The following TEX9 variants were observed in gnomAD, a reference collection of about 807,000 sequenced individuals.
TEX9 encodes testis expressed 9, also known as testis-expressed protein 9.
Under a neutral mutation model 59.6 loss-of-function variants are expected in TEX9, and 74 were observed. The observed-to-expected ratio is 1.24, with a 90% CI of 1.03 to 1.51. The LOEUF (loss-of-function observed/expected upper bound fraction) is 1.51, where lower values mean the gene tolerates loss of function less well. TEX9 is among the 40% of genes most tolerant of loss of function. The pLI is 0.00. For synonymous variants in TEX9, 186 were observed against 152.2 expected (o/e 1.22, Z -1.64); for missense variants, 522 against 447.8 (o/e 1.17, Z -1.49).
At chr15:56,458,992 G>A in the TEX9 span, among the ~76,000 whole-genome samples, 12 of 152,262 alleles carry the variant, frequency 7.9e-5, no homozygotes, top group South Asian at 2.5e-3. Context: ...GTGATTGTAT[G>A]TACACACTAT....
chr15:56,364,030 A>G (rs1162510805), upstream of TEX9, among the ~76,000 whole-genome samples: 1 of 151,962 alleles, frequency 6.6e-6, no homozygotes, highest in Non-Finnish European at 1.5e-5. Context: ...CAAGTTATTT[A>G]TCAGATATAT....
chr15:56,274,399 T>C (rs2044621340), intron 1 of TEX9: 1 of 152,228 alleles, frequency 6.6e-6, no homozygotes, highest in African/African-American at 2.4e-5. Context: ...ACCATATTAA[T>C]TGTAGTTATT....
chr15:56,341,018 A>G (rs930151812), intron 1 of TEX9, among the ~76,000 whole-genome samples: 6 of 151,994 alleles, frequency 3.9e-5, no homozygotes, highest in Non-Finnish European at 8.8e-5. Flanking sequence ...GAGTTGTATT[A>G]CTCCCATCTT....
the TEX9 span, among the ~76,000 whole-genome samples, chr15:56,459,132 C>T: frequency 1.3e-5 from 2 of 152,204 alleles, no homozygotes; most frequent in African/African-American, 2.4e-5. Context: ...TTTCCCCCAA[C>T]CCCTGGCACC....
chr15:56,298,607 A>G (rs919724638), intron 1 of TEX9, among the ~76,000 whole-genome samples: 2 of 152,198 alleles, frequency 1.3e-5, no homozygotes, highest in Admixed American at 6.5e-5. Context: ...CATTTCCTCA[A>G]GCTGTCTCAT....
chr15:56,426,626 T>TATATATACACAC lies in TEX9; in HGVS notation c.964-978_964-977insTATATACACACA, dbSNP rs1214988827. Reference sequence around the variant, plus strand: ...ATATATATATATATATATATATATATACACACACACAAACACACACACACA... The same window carrying TATATATACACAC: ...ATATATATATATATATATATATATATATATATACACACACACACACACAAACACACACACACA... On this transcript the variant is annotated intron_variant, in intron 10 of 12. Transcript: ENST00000352903. Among the ~76,000 whole-genome samples, 35 of 47,174 alleles carry TATATATACACAC rather than the reference T, an allele frequency of 7.4e-4. 2 individuals carry two copies. The highest frequency in any genetic ancestry group is 1.6e-3 in the Non-Finnish European group (31 of 19,816). The allele number at this position is 47,174 out of a possible 152,430, so 30.9% of individuals were successfully genotyped here. A position where few individuals can be genotyped will look rare whatever the true frequency, so the allele number is the denominator to read the frequency against.
At chr15:56,346,986 C>T (rs556564436) in intron 1 of TEX9, among the ~76,000 whole-genome samples, 1 of 152,292 alleles carries the variant, frequency 6.6e-6, no homozygotes, top group East Asian at 1.9e-4. Flanking sequence ...CAATCTCTCT[C>T]TTTCAGAAAA....
At chr15:56,243,978 C>G (rs1185546465), upstream of TEX9, 1 of 150,094 alleles carries the variant, frequency 6.7e-6, no homozygotes, top group Non-Finnish European at 1.5e-5. Context: ...GGGATGGGGG[C>G]GCACGGCGCG....
intron 3 of TEX9, among the ~76,000 whole-genome samples, chr15:56,376,050 A>G (rs2047434696): frequency 7.2e-6 from 1 of 138,204 alleles, no homozygotes; most frequent in African/African-American, 2.7e-5. Flanking sequence ...GAAGGGGAAC[A>G]TCACACACTG....
chr15:56,300,742 A>AGAGAGG lies in TEX9; in HGVS notation c.-107+56468_-107+56469insGGGAGA, dbSNP rs1378888730. 2.5e-3 allele frequency among the ~76,000 whole-genome samples: 368 copies of AGAGAGG among 145,128 alleles called. 6 individuals carry two copies. The highest frequency in any genetic ancestry group is 3.9e-3 in the Non-Finnish European group (256 of 65,988). ...GAGAGAGAGAGAGAGAGAGAGAGAG[A>AGAGAGG]GAGACTTCATTTCATTTGTTTGGGG... On this transcript the variant is annotated intron_variant, in intron 1 of 5. Coordinates refer to the TEX9 transcript ENST00000560827.
At chr15:56,432,036 T>C (rs562929161) in intron 12 of TEX9, among the ~76,000 whole-genome samples, 49 of 152,308 alleles carry the variant, frequency 3.2e-4, no homozygotes, top group African/African-American at 1.1e-3. Flanking sequence ...GAAAGAACAG[T>C]AATCTACTAA....
chr15:56,401,677 A>G (rs1307521915), intron 9 of TEX9, among the ~76,000 whole-genome samples: 2 of 152,210 alleles, frequency 1.3e-5, no homozygotes, highest in African/African-American at 4.8e-5. Context: ...CCAACAGAAT[A>G]TACATTCTTC....
At chr15:56,412,173 C>CGTGTGTGT (rs3217284) in intron 9 of TEX9, 129 bp from the exon 10 acceptor site, 4 of 696,588 alleles carry the variant, frequency 5.7e-6, no homozygotes, top group Non-Finnish European at 8.9e-6. Flanking sequence ...TACCCCCAAG[C>CGTGTGTGT]GTGTGTGTGT....
intron 1 of TEX9, among the ~76,000 whole-genome samples, chr15:56,339,414 A>AAC (rs2046330944): frequency 6.8e-6 from 1 of 147,134 alleles, no homozygotes; most frequent in Non-Finnish European, 1.5e-5. Flanking sequence ...AAAAAAAAAA[A>AAC]CAGGAGAATA....
intron 10 of TEX9, among the ~76,000 whole-genome samples, chr15:56,427,079 G>A (rs1297456556): frequency 2.6e-5 from 4 of 152,134 alleles, no homozygotes; most frequent in African/African-American, 9.6e-5. Context: ...TGGCAGCCCT[G>A]CTCTCTGACT....
At position 56,258,138 on chromosome 15, in the gene TEX9, A is replaced by G. The variant is rs147233825; in HGVS notation, c.-107+13860A>G. ...ATTTCTGGGTGTTCTACTCTGTTCC[A>G]CTGGTCTATGTGTCTGTTCTTGTAC... On this transcript the variant is annotated intron_variant, in intron 1 of 5. Coordinates refer to the TEX9 transcript ENST00000560827. Among the ~76,000 whole-genome samples, 709 of 152,142 alleles carry G rather than the reference A, an allele frequency of 4.7e-3. 9 individuals carry two copies. The highest frequency in any genetic ancestry group is 0.017 in the Middle Eastern group (5 of 294).
chr15:56,362,149 C>T (rs775336040), upstream of TEX9, among the ~76,000 whole-genome samples: 35 of 152,172 alleles, frequency 2.3e-4, no homozygotes, highest in Admixed American at 4.6e-4. Context: ...AATGAGTATT[C>T]TATAAATGTC....
chr15:56,345,308 T>C (rs183433824), intron 1 of TEX9, among the ~76,000 whole-genome samples: 2 of 151,984 alleles, frequency 1.3e-5, no homozygotes. Flanking sequence ...TTCTGACATA[T>C]TTGTGTGTTG....
chr15:56,275,454 C>A (rs2044645670), intron 1 of TEX9, among the ~76,000 whole-genome samples: 3 of 152,124 alleles, frequency 2.0e-5, no homozygotes, highest in Admixed American at 6.6e-5. Context: ...GGGAGAAGAG[C>A]CTATGAATGG....
Sources: allele counts gnomAD v4.1 joint callset (sites outside exome capture counted in the v4.1 genomes callset), GRCh38; gene constraint gnomAD v4.1.1; transcripts MANE v1.5; gene names NCBI Gene and HGNC (gene_info 2026-07-23, HGNC 2026-07-21).